The following DLGAP1 variants were observed in gnomAD, a reference collection of about 807,000 sequenced individuals.
DLGAP1 encodes disks large-associated protein 1.
DLGAP1 carries 11 observed loss-of-function variants against 90.8 expected under a neutral mutation model. The ratio of observed to expected loss-of-function variants is 0.12; its 90% confidence interval spans 0.08 to 0.20. The LOEUF is 0.20. Among genes scored for constraint, DLGAP1 ranks in the 10% least tolerant of loss-of-function variants. The pLI, the probability that DLGAP1 is intolerant of heterozygous loss-of-function variation, is 1.00. For synonymous variants in DLGAP1, 558 were observed against 540.7 expected, an observed-to-expected ratio of 1.03 and a Z score of -0.44; for missense variants, 1,050 against 1,333.8, an observed-to-expected ratio of 0.79 and a Z score of 3.31.
intron 2 of DLGAP1, among the ~76,000 whole-genome samples, chr18:4,029,663 A>G (rs2074760706): frequency 6.6e-6 from 1 of 152,202 alleles, no homozygotes; most frequent in Admixed American, 6.5e-5. Flanking sequence ...CCTAATGCCT[A>G]CGTTTCCTAA....
chr18:4,058,463 T>C (rs940563347), intron 2 of DLGAP1, among the ~76,000 whole-genome samples: 1 of 152,222 alleles, frequency 6.6e-6, no homozygotes, highest in South Asian at 2.1e-4. Context: ...TTTCAGTGGC[T>C]TTTGAAGCAG....
At chr18:3,844,650 T>C (rs2068905457) in intron 4 of DLGAP1, among the ~76,000 whole-genome samples, 4 of 152,114 alleles carry the variant, frequency 2.6e-5, no homozygotes, top group Admixed American at 6.6e-5. Flanking sequence ...ATAACAAAAA[T>C]TCACATTACC....
chr18:3,552,566 C>T (rs569617751), intron 9 of DLGAP1, among the ~76,000 whole-genome samples: 1 of 152,108 alleles, frequency 6.6e-6, no homozygotes, highest in South Asian at 2.1e-4. Context: ...GGGGGCTGAG[C>T]GAGCCTAAGA....
At chr18:3,554,526 T>C (rs7238797) in intron 9 of DLGAP1, among the ~76,000 whole-genome samples, 11,879 of 152,244 alleles carry the variant, frequency 0.078, 920 homozygotes, top group African/African-American at 0.2. Flanking sequence ...AGCATTCCTC[T>C]GTCCACGGTC....
intron 1 of DLGAP1, among the ~76,000 whole-genome samples, chr18:4,253,486 C>T (rs1035083109): frequency 1.3e-5 from 2 of 152,200 alleles, no homozygotes; most frequent in Non-Finnish European, 1.5e-5. Context: ...TCTCTGCTCA[C>T]TGCAACCTTC....
intron 3 of DLGAP1, among the ~76,000 whole-genome samples, chr18:3,920,541 C>T (rs562665690): frequency 6.6e-6 from 1 of 152,112 alleles, no homozygotes; most frequent in Non-Finnish European, 1.5e-5. Context: ...TTCAGTACGT[C>T]TATCTTCACA....
chr18:3,846,040 T>TG (rs1467390747), intron 4 of DLGAP1, among the ~76,000 whole-genome samples: 1 of 96,890 alleles, frequency 1.0e-5, no homozygotes, highest in African/African-American at 4.1e-5. Context: ...TTATTGAAAG[T>TG]GTGGTGTGTG....
chr18:4,323,670 C>G (rs1452295676), intron 1 of DLGAP1, among the ~76,000 whole-genome samples: 1 of 152,000 alleles, frequency 6.6e-6, no homozygotes, highest in Admixed American at 6.6e-5. Flanking sequence ...TCATACCAAC[C>G]ACACTTTCGG....
intron 4 of DLGAP1, among the ~76,000 whole-genome samples, chr18:3,876,096 T>C (rs1429993857): frequency 6.6e-6 from 1 of 151,758 alleles, no homozygotes; most frequent in African/African-American, 2.4e-5. Context: ...CTTCTAAGAA[T>C]GAGCCTATAG....
At chr18:3,600,915 G>T (rs183641271) in intron 7 of DLGAP1, among the ~76,000 whole-genome samples, 285 of 16,544 alleles carry the variant, frequency 0.017, 12 homozygotes, top group African/African-American at 0.024. Flanking sequence ...TATATAGATA[G>T]ATATAGATAT....
chr18:3,596,888 G>A (rs749680672), intron 7 of DLGAP1: 5 of 519,918 alleles, frequency 9.6e-6, no homozygotes, highest in South Asian at 4.2e-5. Flanking sequence ...GGCCAATGCC[G>A]CCAGCATGAT....
intron 1 of DLGAP1, among the ~76,000 whole-genome samples, chr18:4,397,871 C>G (rs2199542): frequency 1 from 152,304 of 152,316 alleles, 76,146 homozygotes; most frequent in Non-Finnish European, 1. Context: ...TTTTTATCTG[C>G]CTAATAAGAG....
chr18:4,148,899 A>C (rs778742076), intron 2 of DLGAP1, among the ~76,000 whole-genome samples: 8 of 152,128 alleles, frequency 5.3e-5, no homozygotes, highest in Non-Finnish European at 1.2e-4. Context: ...CTTTATTTTC[A>C]ATCTGTTTAA....
intron 4 of DLGAP1, among the ~76,000 whole-genome samples, chr18:3,823,049 G>A (rs939170920): frequency 1.3e-5 from 2 of 152,298 alleles, no homozygotes; most frequent in African/African-American, 4.8e-5. Flanking sequence ...CTATTTTGAC[G>A]GTAGTGAATA....
chr18:3,964,178 T>C (rs1289201477), intron 3 of DLGAP1, among the ~76,000 whole-genome samples: 1 of 152,152 alleles, frequency 6.6e-6, no homozygotes, highest in African/African-American at 2.4e-5. Context: ...AAGTGTAAGA[T>C]AATTTACACT....
chr18:3,850,345 T>C (rs906392374), intron 4 of DLGAP1, among the ~76,000 whole-genome samples: 8 of 151,998 alleles, frequency 5.3e-5, no homozygotes, highest in Non-Finnish European at 1.0e-4. Flanking sequence ...TGAGCTGAGA[T>C]TGTGTCACTG....
chr18:3,504,132 T>G (rs1400568109), intron 11 of DLGAP1, among the ~76,000 whole-genome samples: 10 of 152,130 alleles, frequency 6.6e-5, no homozygotes, highest in Non-Finnish European at 1.2e-4. Flanking sequence ...TAGATAGATA[T>G]ATTTATAAAT....
At chr18:3,972,505 ACACT>A (rs934438002) in intron 3 of DLGAP1, among the ~76,000 whole-genome samples, 12 of 150,686 alleles carry the variant, frequency 8.0e-5, no homozygotes, top group African/African-American at 2.2e-4. Flanking sequence ...ACACACACAC[ACACT>A]CTCTCTCTCT....
intron 10 of DLGAP1, among the ~76,000 whole-genome samples, chr18:3,532,506 A>C (rs2052076665): frequency 6.6e-6 from 1 of 151,740 alleles, no homozygotes; most frequent in Admixed American, 6.6e-5. Flanking sequence ...TGAACCCTGG[A>C]GGCAGACGTT....
Sources: allele counts gnomAD v4.1 joint callset (sites outside exome capture counted in the v4.1 genomes callset), GRCh38; gene constraint gnomAD v4.1.1; transcripts MANE v1.5; gene names NCBI Gene and HGNC (gene_info 2026-07-23, HGNC 2026-07-21).